The following NFIC variants were observed in gnomAD, a reference collection of about 807,000 sequenced individuals.
NFIC encodes the protein nuclear factor 1 C-type.
A neutral mutation model predicts 54.4 loss-of-function variants in NFIC; 12 were observed. The ratio of observed to expected loss-of-function variants is 0.22; its 90% CI spans 0.14 to 0.36. The LOEUF is 0.36. Among genes scored for constraint, NFIC ranks in the 10% least tolerant of loss-of-function variants. NFIC has a pLI of 1.00. For missense variants in NFIC, 575 were observed against 718.2 expected, an observed-to-expected ratio of 0.80 and a Z score of 2.28; for synonymous variants, 322 against 319.2, an observed-to-expected ratio of 1.01 and a Z score of -0.09.
chr19:3,434,226 G>A (rs2302219), intron 4 of NFIC, 51 bp from the exon 5 acceptor site: 137,732 of 1,572,182 alleles, frequency 0.088, 6,954 homozygotes, highest in South Asian at 0.19. Flanking sequence ...AAAGCAAACC[G>A]CAGCACTGGG....
At chr19:3,411,658 G>C (rs1184481380) in intron 2 of NFIC, among the ~76,000 whole-genome samples, 2 of 152,040 alleles carry the variant, frequency 1.3e-5, no homozygotes, top group Non-Finnish European at 2.9e-5. Flanking sequence ...GTCCTACGTT[G>C]TCCTGAAAAC....
rs145238169 is a variant in NFIC at position 3,458,196 on chromosome 19, C to T, written c.1509+1561C>T. Among the ~76,000 whole-genome samples the T allele has an allele frequency of 1.3e-5, 2 of 152,292 alleles. No individual in the cohort carries two copies. Among genetic ancestry groups the T allele is most frequent in the Non-Finnish European group, 2.9e-5 (2 of 68,018 alleles). On this transcript the variant is annotated intron_variant, in intron 10 of 10. Coordinates refer to ENST00000443272, the MANE Select transcript of NFIC (RefSeq NM_001245002.2). This position sits in a 1 kb window ranked among gnomAD's most constrained non-coding sequence, Gnocchi z 4.1. ...GAGTAACTTGGTCAGGGTCCCCCAG[C>T]GAGCAGACGTCCAGGACTCCTCGCT...
rs1239407946 is a variant in NFIC, at chr19:3,453,145, G to A, written c.1269+479G>A. On this transcript the variant is annotated intron_variant, in intron 8 of 10. Coordinates refer to ENST00000443272, the MANE Select transcript of NFIC (RefSeq NM_001245002.2). This position sits in a 1 kb window ranked among gnomAD's most constrained non-coding sequence, Gnocchi z 6.7. ...TCCCAGCTACTCAGGAGGCTGAGGTGGGAGGATCGCTTGAACCTGGGAGGT... is the reference window on the plus strand; with the variant it reads ...TCCCAGCTACTCAGGAGGCTGAGGTAGGAGGATCGCTTGAACCTGGGAGGT... 2.0e-5 allele frequency among the ~76,000 whole-genome samples: 3 copies of A among 152,210 alleles called. No individual in the cohort carries two copies. Among genetic ancestry groups the A allele is most frequent in the African/African-American group, 7.2e-5 (3 of 41,458 alleles).
chr19:3,372,713 G>C (rs1258269830), intron 1 of NFIC, among the ~76,000 whole-genome samples: 3 of 130,180 alleles, frequency 2.3e-5, no homozygotes, highest in Non-Finnish European at 5.0e-5. Flanking sequence ...GGAGTGGGGT[G>C]GGGGGGTGCC....
At chr19:3,433,405 C>A in intron 3 of NFIC, 113 bp from the exon 4 acceptor site, 2 of 1,064,526 alleles carry the variant, frequency 1.9e-6, no homozygotes, top group Non-Finnish European at 2.8e-6. Flanking sequence ...ACAGGATGGA[C>A]AGGGGGAACG....
chr19:3,436,192 T>A (rs1206946076), intron 6 of NFIC, among the ~76,000 whole-genome samples: 1 of 151,862 alleles, frequency 6.6e-6, no homozygotes, highest in Non-Finnish European at 1.5e-5. Context: ...CTGCCCAGGC[T>A]GGAGTGCCGG....
upstream of NFIC, among the ~76,000 whole-genome samples, chr19:3,366,154 C>G (rs528607326): frequency 2.5e-4 from 38 of 151,786 alleles, no homozygotes; most frequent in Non-Finnish European, 4.0e-4. Flanking sequence ...ACAACCCTGT[C>G]CCCCCTCTCC....
chr19:3,416,922 C>T (rs192265830), intron 2 of NFIC, among the ~76,000 whole-genome samples: 4,673 of 145,728 alleles, frequency 0.032, 113 homozygotes, highest in Non-Finnish European at 0.048. Flanking sequence ...CTCGCTCCGT[C>T]GCCCAGGCTG....
chr19:3,440,501 A>G (rs1309619006), intron 6 of NFIC, among the ~76,000 whole-genome samples: 3 of 148,722 alleles, frequency 2.0e-5, no homozygotes, highest in Non-Finnish European at 4.5e-5. Flanking sequence ...CGCGATCTTG[A>G]CTCACTGCAA....
At chr19:3,421,746 C>A (rs113108621) in intron 2 of NFIC, among the ~76,000 whole-genome samples, 3 of 152,310 alleles carry the variant, frequency 2.0e-5, no homozygotes, top group African/African-American at 7.2e-5. Context: ...AATATCATTG[C>A]TTTGATCATT....
At chr19:3,408,239 C>T (rs1164147291) in intron 2 of NFIC, among the ~76,000 whole-genome samples, 2 of 152,176 alleles carry the variant, frequency 1.3e-5, no homozygotes, top group African/African-American at 2.4e-5. Flanking sequence ...TCTGACAGCC[C>T]GCCGGGTTTT....
At chr19:3,377,934 T>G (rs567673219) in intron 1 of NFIC, among the ~76,000 whole-genome samples, 1 of 152,038 alleles carries the variant, frequency 6.6e-6, no homozygotes, top group East Asian at 1.9e-4. Flanking sequence ...AGCTAATTTT[T>G]GTAATTTTCG....
intron 2 of NFIC, among the ~76,000 whole-genome samples, chr19:3,412,149 C>CAT (rs1440120213): frequency 6.6e-5 from 10 of 152,322 alleles, no homozygotes; most frequent in African/African-American, 2.2e-4. Context: ...GTGGTGCGAT[C>CAT]ATAGCTCACT....
rs201510675 is a variant in NFIC at position 3,382,231 on chromosome 19, G to C, written c.550G>C (p.Val184Leu). ...KELDLYLAYFVRERDAEQSGS... is the reference protein window; with the variant it reads ...KELDLYLAYFLRERDAEQSGS... ...GCTGGACCTCTACCTGGCCTACTTC[G>C]TGCGTGAGCGAGGTGAGGTGTGGTG... Residue 184 changes from valine to leucine, a missense_variant, in exon 2 of 11, where the codon GTG becomes CTG. Physicochemically the swap from Val to Leu is conservative, Grantham distance 32 (BLOSUM62 1). Around this residue, in one of 3 missense-constraint regions of NFIC, gnomAD observed 447 missense variants for 526.9 expected, o/e 0.85. Transcript: ENST00000443272. 285 of 1,601,726 alleles carry C rather than the reference G, an allele frequency of 1.8e-4. No individual in the cohort carries two copies. Among genetic ancestry groups the C allele is most frequent in the Non-Finnish European group, 9.7e-5 (114 of 1,178,822 alleles).
At chr19:3,389,631 A>G (rs942073290) in intron 2 of NFIC, among the ~76,000 whole-genome samples, 1 of 152,112 alleles carries the variant, frequency 6.6e-6, no homozygotes, top group African/African-American at 2.4e-5. Context: ...AGCTGTGCCC[A>G]TTGCATTAAA....
intron 3 of NFIC, among the ~76,000 whole-genome samples, chr19:3,426,231 CTTTT>C (rs531487576): frequency 6.7e-6 from 1 of 148,658 alleles, no homozygotes; most frequent in Non-Finnish European, 1.5e-5. Context: ...CCGCGCCTGG[CTTTT>C]TTTTTTAATT....
At chr19:3,371,091 G>A (rs764618147) in intron 1 of NFIC, among the ~76,000 whole-genome samples, 1 of 152,172 alleles carries the variant, frequency 6.6e-6, no homozygotes, top group African/African-American at 2.4e-5. Flanking sequence ...TCTTGCTCAG[G>A]AGGTGCCAAA....
intron 2 of NFIC, among the ~76,000 whole-genome samples, chr19:3,407,619 G>C (rs2081674909): frequency 6.6e-6 from 1 of 151,760 alleles, no homozygotes; most frequent in Non-Finnish European, 1.5e-5. Context: ...GTTTTTAGCA[G>C]AGACGAGGTT....
chr19:3,445,141 C>A (rs564113084), intron 6 of NFIC, among the ~76,000 whole-genome samples: 4 of 151,492 alleles, frequency 2.6e-5, no homozygotes, highest in Admixed American at 2.6e-4. Flanking sequence ...ATGCATGCAG[C>A]TGTGCACATG....
Sources: allele counts gnomAD v4.1 joint callset (sites outside exome capture counted in the v4.1 genomes callset), GRCh38; gene constraint gnomAD v4.1.1; regional missense constraint gnomAD v4.1.1; non-coding constraint Gnocchi (gnomAD v3.1); transcripts MANE v1.5; gene names NCBI Gene and HGNC (gene_info 2026-07-23, HGNC 2026-07-21).